The following ANKRD6 variants were observed in gnomAD, a reference collection of about 807,000 sequenced individuals.
ANKRD6 encodes the protein ankyrin repeat domain-containing protein 6.
A neutral mutation model predicts 82.3 loss-of-function variants in ANKRD6; 56 were observed. The ratio of observed to expected loss-of-function variants is 0.68; its 90% CI spans 0.55 to 0.85. The LOEUF is 0.85. Among genes scored for constraint, ANKRD6 ranks in the 40% least tolerant of loss-of-function variants. The pLI is 0.00. For synonymous variants in ANKRD6, 347 were observed against 352.1 expected (o/e 0.99, Z 0.16); for missense variants, 852 against 907.6 (o/e 0.94, Z 0.79).
intron 1 of ANKRD6, among the ~76,000 whole-genome samples, chr6:89,522,976 G>GTA (rs1170033334): frequency 6.6e-6 from 1 of 152,098 alleles, no homozygotes; most frequent in Non-Finnish European, 1.5e-5. Context: ...ATTGCTCCAG[G>GTA]TCACAGGCAT....
Position 89,471,487 on chromosome 6 carries a change from G to A in ANKRD6, c.-144+38112G>A, listed in dbSNP as rs563573214. On this transcript the variant is annotated intron_variant, in intron 1 of 15. Transcript: ENST00000339746. ...CTAGAGAGTAAGTATATATAGACAG[G>A]AGGCCCAAGGACTGAGCCTGTGGAT... Among the ~76,000 whole-genome samples, 33 of 152,134 alleles carry A rather than the reference G, an allele frequency of 2.2e-4. 1 individual carries two copies. Among genetic ancestry groups the A allele is most frequent in the African/African-American group, 8.0e-4 (33 of 41,504 alleles).
At chr6:89,497,651 T>G (rs1204672103) in intron 1 of ANKRD6, among the ~76,000 whole-genome samples, 5 of 152,220 alleles carry the variant, frequency 3.3e-5, no homozygotes, top group Non-Finnish European at 7.3e-5. Flanking sequence ...TGGATATGTT[T>G]TTTTCTCTCT....
In ANKRD6 at chr6:89,624,665, C is replaced by A; in HGVS notation, c.1345C>A (p.Gln449Lys). Residue 449 changes from glutamine to lysine, a missense_variant, in exon 13 of 16, where the codon CAG becomes AAG. Coordinates refer to ENST00000339746, the MANE Select transcript of ANKRD6 (RefSeq NM_001242809.2). Reference sequence around the variant, plus strand: ...GGACAAAATGAATACAAAGCTGGGGCAGATGGAGAATAAGACCCAGCACCA... The same window carrying A: ...GGACAAAATGAATACAAAGCTGGGGAAGATGGAGAATAAGACCCAGCACCA... The part of the protein sequence containing the change: ...VQDKMNTKLG[Q>K]MENKTQHQMR... The A allele has an allele frequency of 6.2e-7, 1 of 1,601,744 alleles. No individual in the cohort carries two copies. Among genetic ancestry groups the A allele is most frequent in the South Asian group, 1.1e-5 (1 of 88,332 alleles).
chr6:89,567,398 A>T (rs1214681632), intron 2 of ANKRD6, among the ~76,000 whole-genome samples: 1 of 152,164 alleles, frequency 6.6e-6, no homozygotes, highest in East Asian at 1.9e-4. Context: ...TACTGGACAG[A>T]GTGTGCGATA....
chr6:89,465,406 C>T (rs1413318801), intron 1 of ANKRD6, among the ~76,000 whole-genome samples: 1 of 152,012 alleles, frequency 6.6e-6, no homozygotes, highest in Non-Finnish European at 1.5e-5. Context: ...CAAGTATGAG[C>T]CACTGCACCA....
intron 3 of ANKRD6, chr6:89,602,808 C>T: frequency 1.9e-6 from 1 of 532,736 alleles, no homozygotes; most frequent in South Asian, 2.5e-5. Context: ...GGCTTAAGGT[C>T]CCCCTCTTAG....
chr6:89,574,995 G>A (rs914286014), intron 2 of ANKRD6, among the ~76,000 whole-genome samples: 1 of 152,160 alleles, frequency 6.6e-6, no homozygotes, highest in African/African-American at 2.4e-5. Flanking sequence ...AAAGAGTGTG[G>A]ATAGCCATGT....
intron 1 of ANKRD6, among the ~76,000 whole-genome samples, chr6:89,541,387 C>T (rs13199608): frequency 7.8e-5 from 5 of 64,098 alleles, no homozygotes; most frequent in Admixed American, 2.5e-4. Context: ...TTACGTGTGG[C>T]TTTTTTTTTT....
chr6:89,616,942 T>C (rs755159060), intron 8 of ANKRD6: 48 of 572,674 alleles, frequency 8.4e-5, no homozygotes, highest in African/African-American at 8.0e-4. Flanking sequence ...AACTGACGAG[T>C]GGATGTTACC....
chr6:89,580,806 C>T (rs1792350223), intron 2 of ANKRD6, among the ~76,000 whole-genome samples: 1 of 152,108 alleles, frequency 6.6e-6, no homozygotes, highest in African/African-American at 2.4e-5. Flanking sequence ...TCGTGTTTGC[C>T]GACCTGCTGG....
intron 1 of ANKRD6, among the ~76,000 whole-genome samples, chr6:89,537,879 C>CA (rs55864526): frequency 0.23 from 25,210 of 110,202 alleles, 2,819 homozygotes; most frequent in Non-Finnish European, 0.29. Flanking sequence ...GACAATGTCT[C>CA]AAAAAAAAAA....
Position 89,630,948 on chromosome 6 carries a change from A to T in ANKRD6, c.2128A>T (p.Lys710Ter). The T allele has an allele frequency of 2.5e-6, 4 of 1,599,146 alleles. No homozygotes were observed. Among genetic ancestry groups the T allele is most frequent in the Non-Finnish European group, 3.4e-6 (4 of 1,172,930 alleles). ...QDKATLKEHI[K>*]SLEEELAKLR... is the part of the protein sequence containing the mutation. ...TAAGGCTACATTGAAGGAACACATTAAAAGTTTAGAAGAGGAACTTGCCAA... is the reference window on the plus strand; with the variant it reads ...TAAGGCTACATTGAAGGAACACATTTAAAGTTTAGAAGAGGAACTTGCCAA... Residue 710 changes from lysine to a stop codon, truncating the protein, a stop_gained, in exon 16 of 16, where the codon AAA (lysine) becomes TAA (stop). Transcript: ENST00000339746. LOFTEE classifies it high-confidence loss of function.
In ANKRD6 at chr6:89,567,013, C is replaced by T. The variant is rs373880741; in HGVS notation, c.37C>T (p.Arg13Cys). The part of the protein sequence containing the change: ...QQDAVAALSE[R>C]LLVAAYKGQT... Reference sequence around the variant, plus strand: ...AGATGCGGTCGCTGCACTTTCAGAGCGCCTTCTCGTAGCTGCGTACAAAGG... The same window carrying T: ...AGATGCGGTCGCTGCACTTTCAGAGTGCCTTCTCGTAGCTGCGTACAAAGG... Residue 13 changes from arginine (R) to cysteine (C), a missense_variant, in exon 2 of 16, where the codon CGC becomes TGC. Physicochemically the swap from Arg to Cys is radical, Grantham distance 180 (BLOSUM62 -3). Coordinates refer to ENST00000339746, the MANE Select transcript of ANKRD6 (RefSeq NM_001242809.2). 16 of 1,604,330 alleles carry T rather than the reference C, an allele frequency of 1.0e-5. No individual in the cohort carries two copies. Among genetic ancestry groups the T allele is most frequent in the African/African-American group, 2.7e-5 (2 of 74,886 alleles).
chr6:89,493,663 T>G (rs190664048), intron 1 of ANKRD6, among the ~76,000 whole-genome samples: 1 of 152,232 alleles, frequency 6.6e-6, no homozygotes, highest in East Asian at 1.9e-4. Context: ...TCTTTCCACC[T>G]CTGCCTCCCA....
At chr6:89,549,734 C>G (rs370044205) in intron 1 of ANKRD6, among the ~76,000 whole-genome samples, 1 of 151,982 alleles carries the variant, frequency 6.6e-6, no homozygotes. Flanking sequence ...AGACAGAAGC[C>G]CAGTGCCCTG....
intron 1 of ANKRD6, among the ~76,000 whole-genome samples, chr6:89,506,908 C>T (rs1355429486): frequency 1.3e-5 from 2 of 152,228 alleles, no homozygotes; most frequent in African/African-American, 4.8e-5. Context: ...TCACCTCATG[C>T]TTGTCTGTGG....
At chr6:89,590,978 C>T (rs1254047367) in intron 2 of ANKRD6, among the ~76,000 whole-genome samples, 2 of 152,226 alleles carry the variant, frequency 1.3e-5, no homozygotes, top group Non-Finnish European at 2.9e-5. Context: ...CTGTCTCTTG[C>T]TCTGCCCAAT....
At chr6:89,440,842 G>C (rs1771284870) in intron 1 of ANKRD6, among the ~76,000 whole-genome samples, 1 of 151,956 alleles carries the variant, frequency 6.6e-6, no homozygotes, top group African/African-American at 2.4e-5. Flanking sequence ...CTAAAGGTTG[G>C]CAAATTATAG....
rs199886123 is a variant in ANKRD6, at chr6:89,549,913, T to TA, written c.-143-16913dup. Among the ~76,000 whole-genome samples the TA allele has an allele frequency of 4.3e-3, 579 of 136,052 alleles. 7 individuals are homozygous for TA. Among genetic ancestry groups the TA allele is most frequent in the African/African-American group, 0.013 (528 of 39,374 alleles). 89.3% of individuals were successfully genotyped at this position (136,052 alleles called of 152,430 possible). A position where few individuals can be genotyped will look rare whatever the true frequency, so the allele number is the denominator to read the frequency against. On this transcript the variant is annotated intron_variant, in intron 1 of 15. Coordinates refer to ENST00000339746, the MANE Select transcript of ANKRD6 (RefSeq NM_001242809.2). ...TAACATAGTGAGACCTGTGTCTCTT[T>TA]AAAAAAAAGAAAAGAAAAAAAAAGA...
Sources: allele counts gnomAD v4.1 joint callset (sites outside exome capture counted in the v4.1 genomes callset), GRCh38; gene constraint gnomAD v4.1.1; transcripts MANE v1.5; gene names NCBI Gene and HGNC (gene_info 2026-07-23, HGNC 2026-07-21).